Variants in PLEKHA7 observed in about 807,000 individuals in gnomAD.
The protein encoded by PLEKHA7 is pleckstrin homology domain containing A7.
Under a neutral mutation model 170.0 loss-of-function variants are expected in PLEKHA7, and 104 were observed. The observed-to-expected ratio is 0.61, with a 90% confidence interval of 0.52 to 0.72. The LOEUF is 0.72. PLEKHA7 is among the 30% of genes least tolerant of loss of function. The probability of loss-of-function intolerance (pLI) is 0.00; values close to 1 mark genes in which losing one functional copy is unlikely to be tolerated. For synonymous variants in PLEKHA7, 648 were observed against 660.8 expected (o/e 0.98, Z 0.30); for missense variants, 1,615 against 1,671.7 (o/e 0.97, Z 0.59).
chr11:16,973,672 C>A lies in PLEKHA7; in HGVS notation c.221+40317G>T, dbSNP rs147952395. ...CCTGGGGATCAGTGAGGGACAGGAACTTAGACTGAGCAGCTGCTTCCTATG... is the reference window on the plus strand; with the variant it reads ...CCTGGGGATCAGTGAGGGACAGGAAATTAGACTGAGCAGCTGCTTCCTATG... On this transcript the variant is annotated intron_variant, in intron 3 of 26. Coordinates refer to ENST00000531066, the MANE Select transcript of PLEKHA7 (RefSeq NM_001329630.2). Among the ~76,000 whole-genome samples, 907 of 152,286 alleles carry A rather than the reference C, an allele frequency of 6.0e-3. 7 individuals carry two copies. The highest frequency in any genetic ancestry group is 0.019 in the African/African-American group (807 of 41,546).
chr11:16,791,056 C>T lies in PLEKHA7; in HGVS notation c.2889G>A (p.Arg963=), dbSNP rs1244872350. The T allele has an allele frequency of 1.2e-6, 2 of 1,614,180 alleles. No individual in the cohort carries two copies. The highest frequency in any genetic ancestry group is 8.5e-7 in the Non-Finnish European group (1 of 1,180,040). Residue 963 remains arginine, a synonymous_variant, in exon 20 of 27, where the codon AGG becomes AGA. Transcript: ENST00000531066. This position sits in a 1 kb window ranked among gnomAD's most constrained non-coding sequence, Gnocchi z 4.5. ...ACTGCCCCAGCTCCCGGTCTCGCTT[C>T]CTCTCGTCTGACTGCCGCTTGAGGC... is the stretch of plus-strand genomic sequence containing the variant. The part of the protein sequence containing the change: ...VRGLKRQSDE[R]KRDRELGQCV...
At chr11:16,881,115 GTTT>G (rs1190020680) in intron 3 of PLEKHA7, among the ~76,000 whole-genome samples, 1 of 152,198 alleles carries the variant, frequency 6.6e-6, no homozygotes, top group Non-Finnish European at 1.5e-5. Context: ...GATGGTGGTT[GTTT>G]TTATTTAACT....
At chr11:16,790,963 T>C in intron 20 of PLEKHA7, 48 bp from the exon 21 acceptor site, 1 of 1,613,874 alleles carries the variant, frequency 6.2e-7, no homozygotes, top group Non-Finnish European at 8.5e-7. Context: ...TCACACCCCT[T>C]TACCTCTCCC....
chr11:16,959,587 C>T (rs1426951642), intron 3 of PLEKHA7, among the ~76,000 whole-genome samples: 1 of 152,052 alleles, frequency 6.6e-6, no homozygotes, highest in Non-Finnish European at 1.5e-5. Flanking sequence ...TAAGGAGAGC[C>T]ATAAGAAGTA....
rs367898598 is a variant in PLEKHA7, at chr11:16,919,900, GGACTTT to G, written c.222-48724_222-48719del. ...GTACCATCTCTTCCTTCTTCACAAA[GGACTTT>G]GACTTTGAGCTTCCCTTCTCTGGGA... On this transcript the variant is annotated intron_variant, in intron 3 of 26. Coordinates refer to ENST00000531066, the MANE Select transcript of PLEKHA7 (RefSeq NM_001329630.2). 8.1e-4 allele frequency among the ~76,000 whole-genome samples: 124 copies of G among 152,280 alleles called. 1 individual carries two copies. The East Asian group carries it at 0.012, about 14-fold the overall frequency.
At position 16,986,134 on chromosome 11, in the gene PLEKHA7, CT is replaced by C. The variant is rs1590789588; in HGVS notation, c.221+27854del. ...GTTCAGGCCAGAGGGGAATGGTGTG[CT>C]TTAACAGGACACAGACACAGGAAGA... is the stretch of plus-strand genomic sequence containing the variant. On this transcript the variant is annotated intron_variant, in intron 3 of 26. Transcript: ENST00000531066. Among the ~76,000 whole-genome samples, 3 of 152,230 alleles carry C rather than the reference CT, an allele frequency of 2.0e-5. No homozygotes were observed. In the South Asian group the frequency reaches 6.2e-4, roughly 32 times the overall value.
chr11:16,786,205 C>T (rs1252350153), intron 24 of PLEKHA7, 24 bp downstream of exon 24: 6 of 1,535,038 alleles, frequency 3.9e-6, no homozygotes, highest in Non-Finnish European at 5.2e-6. Flanking sequence ...TCCTGGAGGA[C>T]ATGAAGGAAG....
chr11:16,854,926 T>A lies in PLEKHA7; in HGVS notation c.485A>T (p.Asn162Ile). 6.2e-7 allele frequency: 1 copy of A among 1,614,098 alleles called. No individual in the cohort carries two copies. The highest frequency in any genetic ancestry group is 8.5e-7 in the Non-Finnish European group (1 of 1,179,978). Residue 162 changes from asparagine (N) to isoleucine (I), a missense_variant, in exon 6 of 27, where the codon AAT (asparagine) becomes ATT (isoleucine). Coordinates refer to ENST00000531066, the MANE Select transcript of PLEKHA7 (RefSeq NM_001329630.2). ...CCAGCCCCTCACCACCACGGGAACA[T>A]TGGGGTTCCTCCGAATGGCCTGGTC... is the stretch of plus-strand genomic sequence containing the variant. ...KRDQAIRRNP[N>I]VPVVVRGWLH...
chr11:16,783,773 G>A lies in PLEKHA7; in HGVS notation c.3577C>T (p.Pro1193Ser), dbSNP rs1849218242. 3 of 1,515,044 alleles carry A rather than the reference G, an allele frequency of 2.0e-6. No homozygotes were observed. The highest frequency in any genetic ancestry group is 2.6e-6 in the Non-Finnish European group (3 of 1,136,868). The allele number at this position is 1,515,044 out of a possible 1,614,324, so 93.9% of individuals were successfully genotyped here. The change falls in exon 25 of 27, where the codon CCA (proline) becomes TCA (serine). Residue 1193 changes from proline (P) to serine (S), a missense_variant. Physicochemically the swap from Pro to Ser is moderately conservative, Grantham distance 74. Transcript: ENST00000531066. ...ERYVELDPEEPPSLEELQARY... is the reference protein window; with the variant it reads ...ERYVELDPEESPSLEELQARY... Reference sequence around the variant, plus strand: ...GCCTGCAGCTCCTCAAGGCTGGGTGGCTCTTCGGGATCTAGCTCCACGTAG... The same window carrying A: ...GCCTGCAGCTCCTCAAGGCTGGGTGACTCTTCGGGATCTAGCTCCACGTAG...
At chr11:16,983,298 C>T (rs1000844923) in intron 3 of PLEKHA7, among the ~76,000 whole-genome samples, 1 of 152,192 alleles carries the variant, frequency 6.6e-6, no homozygotes, top group African/African-American at 2.4e-5. Flanking sequence ...CCCTGTTATA[C>T]AAAGTCATTG....
At chr11:17,009,186 G>C (rs1363152210) in intron 3 of PLEKHA7, among the ~76,000 whole-genome samples, 1 of 152,138 alleles carries the variant, frequency 6.6e-6, no homozygotes, top group African/African-American at 2.4e-5. Context: ...AGGGACCAAA[G>C]ACCTATGTTC....
At chr11:16,950,046 T>G (rs1861302131) in intron 3 of PLEKHA7, among the ~76,000 whole-genome samples, 1 of 110,092 alleles carries the variant, frequency 9.1e-6, no homozygotes, top group African/African-American at 3.6e-5. Context: ...AGCAAATGGT[T>G]AAGGGGGGAG....
Position 17,014,318 on chromosome 11 carries a change from G to A in PLEKHA7, c.84C>T (p.Ile28=). The A allele has an allele frequency of 3.5e-6, 5 of 1,444,632 alleles. No individual in the cohort carries two copies. The highest frequency in any genetic ancestry group is 4.6e-6 in the Non-Finnish European group (5 of 1,094,270). The allele number at this position is 1,444,632 out of a possible 1,614,324, so 89.5% of individuals were successfully genotyped here. ...GTCCCCGGGTCCTCGCGCCGCACTTGATGAAGAAGACGCGGCCATCCCGGC... is the reference window on the plus strand; with the variant it reads ...GTCCCCGGGTCCTCGCGCCGCACTTAATGAAGAAGACGCGGCCATCCCGGC... ...GVCRDGRVFF[I]NDQLRCTTWL... Residue 28 remains isoleucine, a splice_region_variant and synonymous_variant, in exon 1 of 27, where the codon ATC becomes ATT. Coordinates refer to ENST00000531066, the MANE Select transcript of PLEKHA7 (RefSeq NM_001329630.2).
chr11:16,983,484 C>G (rs551147302), intron 3 of PLEKHA7, among the ~76,000 whole-genome samples: 117 of 152,194 alleles, frequency 7.7e-4, no homozygotes, highest in African/African-American at 2.7e-3. Flanking sequence ...GAGGGCAGCT[C>G]TGGGGTACAG....
intron 17 of PLEKHA7, among the ~76,000 whole-genome samples, chr11:16,798,422 G>A (rs796984973): frequency 6.6e-6 from 1 of 151,886 alleles, no homozygotes; most frequent in Non-Finnish European, 1.5e-5. Flanking sequence ...GGGCGTCTGT[G>A]ACAAAGACCT....
chr11:16,928,398 AG>A (rs1859710408), intron 3 of PLEKHA7, among the ~76,000 whole-genome samples: 1 of 151,842 alleles, frequency 6.6e-6, no homozygotes, highest in East Asian at 1.9e-4. Flanking sequence ...ACTCACCATT[AG>A]GGGTTTGATA....
At chr11:16,935,479 C>G (rs1860223637) in intron 3 of PLEKHA7, among the ~76,000 whole-genome samples, 1 of 152,198 alleles carries the variant, frequency 6.6e-6, no homozygotes, top group Non-Finnish European at 1.5e-5. Flanking sequence ...AAAGGCATGT[C>G]AGTGCCCACT....
At chr11:16,815,705 G>A (rs1462263001) in intron 12 of PLEKHA7, among the ~76,000 whole-genome samples, 14 of 152,162 alleles carry the variant, frequency 9.2e-5, no homozygotes, top group East Asian at 5.8e-4. Context: ...TAGTAGAGAC[G>A]GGGTTTCGCC....
chr11:16,979,485 G>C (rs558335692), intron 3 of PLEKHA7, among the ~76,000 whole-genome samples: 1 of 152,274 alleles, frequency 6.6e-6, no homozygotes, highest in African/African-American at 2.4e-5. Context: ...CAGTCAGTTA[G>C]TGACAGAACC....
Sources: gnomAD v4.1 joint callset for allele counts (sites outside exome capture counted in the v4.1 genomes callset) on GRCh38, gnomAD v4.1.1 for gene constraint, Gnocchi (gnomAD v3.1) non-coding constraint, MANE v1.5 for transcripts, NCBI Gene and HGNC (gene_info 2026-07-23, HGNC 2026-07-21) for gene names.